CABIN1: variants seen among roughly 807,000 people sequenced by gnomAD.
CABIN1 encodes the protein calcineurin-binding protein cabin-1.
A neutral mutation model predicts 227.7 loss-of-function variants in CABIN1; 133 were observed. The observed-to-expected ratio is 0.58, with a 90% confidence interval of 0.51 to 0.67. CABIN1 has a LOEUF of 0.67. CABIN1 is among the 30% of genes least tolerant of loss of function. The pLI, the probability that CABIN1 is intolerant of heterozygous loss-of-function variation, is 0.00. For synonymous variants in CABIN1, 1,086 were observed against 1,155.1 expected (o/e 0.94, Z 1.21); for missense variants, 2,408 against 2,852.5 (o/e 0.84, Z 3.55).
At chr22:24,014,472 C>T (rs1365817305) in intron 1 of CABIN1, among the ~76,000 whole-genome samples, 2 of 150,742 alleles carry the variant, frequency 1.3e-5, no homozygotes, top group Non-Finnish European at 2.9e-5. Flanking sequence ...ACAAGGTGTT[C>T]CAGGCTCATC....
At chr22:24,175,671 A>G (rs920028766) in intron 34 of CABIN1, 7 of 273,398 alleles carry the variant, frequency 2.6e-5, no homozygotes, top group Non-Finnish European at 4.3e-5. Flanking sequence ...GGCAGGAGCC[A>G]TAGTGCCAGC....
chr22:24,161,471 C>T (rs1377135099), intron 29 of CABIN1, among the ~76,000 whole-genome samples: 1 of 152,188 alleles, frequency 6.6e-6, no homozygotes, highest in East Asian at 1.9e-4. Flanking sequence ...CAGCGGGACC[C>T]AGGGCTGAGG....
chr22:24,039,973 G>A (rs909068147), intron 4 of CABIN1, among the ~76,000 whole-genome samples: 2 of 152,232 alleles, frequency 1.3e-5, no homozygotes, highest in East Asian at 1.9e-4. Context: ...GGACTTGCTC[G>A]GGCAAGCCTT....
intron 1 of CABIN1, among the ~76,000 whole-genome samples, chr22:24,015,504 C>T (rs2035208762): frequency 2.6e-5 from 4 of 151,584 alleles, no homozygotes; most frequent in Admixed American, 1.3e-4. Context: ...ACCACCGCGC[C>T]TGGCTAATTT....
intron 1 of CABIN1, among the ~76,000 whole-genome samples, chr22:24,022,336 G>C (rs117288876): frequency 0.016 from 2,481 of 152,262 alleles, 81 homozygotes; most frequent in East Asian, 0.14. Context: ...GTCATTTCAA[G>C]AATGTCATGT....
chr22:24,079,256 C>A (rs2040649359), intron 19 of CABIN1, among the ~76,000 whole-genome samples: 1 of 152,134 alleles, frequency 6.6e-6, no homozygotes, highest in Non-Finnish European at 1.5e-5. Flanking sequence ...ACATTTATAT[C>A]AATTCATCTG....
At chr22:24,063,324 T>TG (rs1303419304) in intron 14 of CABIN1, among the ~76,000 whole-genome samples, 178 bp downstream of exon 14, 1 of 152,088 alleles carries the variant, frequency 6.6e-6, no homozygotes, top group African/African-American at 2.4e-5. Context: ...TGTGACACAG[T>TG]GGGGAATTCT....
chr22:24,057,534 T>G (rs2038891786), intron 10 of CABIN1, among the ~76,000 whole-genome samples: 1 of 152,226 alleles, frequency 6.6e-6, no homozygotes, highest in Non-Finnish European at 1.5e-5. Flanking sequence ...GAATGGAGTT[T>G]GGGAGCTAAC....
chr22:24,114,305 T>A (rs535210255), intron 27 of CABIN1, among the ~76,000 whole-genome samples: 23 of 152,302 alleles, frequency 1.5e-4, no homozygotes, highest in Non-Finnish European at 2.8e-4. Context: ...CTGGGCTTAC[T>A]GGGAGATCAC....
At position 24,166,757 on chromosome 22, in the gene CABIN1, C is replaced by A. The variant is rs2046468908; in HGVS notation, c.5126C>A (p.Pro1709His). The A allele has an allele frequency of 1.2e-6, 2 of 1,612,846 alleles. No individual in the cohort carries two copies. The highest frequency in any genetic ancestry group is 2.2e-5 in the South Asian group (2 of 91,084). Residue 1709 changes from proline (P) to histidine (H), a missense_variant, in exon 32 of 37, where the codon CCC (proline) becomes CAC (histidine). Pro to His is a moderately conservative substitution (Grantham distance 77, BLOSUM62 -2). Transcript: ENST00000263119. ...GAGGGCCTCCCCCAGCCGAAGAAGC[C>A]CCCTCTGGCTGATGGCTCAGGGCCA... is the stretch of plus-strand genomic sequence containing the variant. Reference protein sequence around the residue: ...GQEGLPQPKKPPLADGSGPGP... With the variant: ...GQEGLPQPKKHPLADGSGPGP...
At position 24,072,517 on chromosome 22, in the gene CABIN1, A is replaced by C; in HGVS notation, c.2632+7A>C. The C allele has an allele frequency of 6.2e-7, 1 of 1,614,090 alleles. No individual in the cohort carries two copies. Among genetic ancestry groups the C allele is most frequent in the Non-Finnish European group, 8.5e-7 (1 of 1,180,006 alleles). ...CAAAACCCAGCGGAGGAAGGTGCACAGGCAGTGGGTGCAGTGGGGATGAGC... is the reference window on the plus strand; with the variant it reads ...CAAAACCCAGCGGAGGAAGGTGCACCGGCAGTGGGTGCAGTGGGGATGAGC... On this transcript the variant is annotated splice_region_variant and intron_variant, in intron 18 of 36. Coordinates refer to ENST00000263119, the MANE Select transcript of CABIN1 (RefSeq NM_012295.4).
intron 15 of CABIN1, among the ~76,000 whole-genome samples, chr22:24,066,758 G>A (rs560505043): frequency 6.6e-6 from 1 of 152,216 alleles, no homozygotes; most frequent in Non-Finnish European, 1.5e-5. Context: ...TTTTTGATGT[G>A]CTTGTTTTTT....
At chr22:24,078,297 G>C (rs2040574109) in intron 19 of CABIN1, among the ~76,000 whole-genome samples, 1 of 152,090 alleles carries the variant, frequency 6.6e-6, no homozygotes, top group South Asian at 2.1e-4. Context: ...CTGCTGCCCA[G>C]TTGTATTTCT....
At chr22:24,165,414 C>A in intron 30 of CABIN1, 116 bp from the exon 31 acceptor site, 2 of 945,546 alleles carry the variant, frequency 2.1e-6, no homozygotes, top group Non-Finnish European at 3.3e-6. Context: ...TTAGGTGGAA[C>A]ACTGAGGAAC....
chr22:24,167,528 C>T (rs74482090), intron 32 of CABIN1, among the ~76,000 whole-genome samples: 1 of 152,230 alleles, frequency 6.6e-6, no homozygotes, highest in Non-Finnish European at 1.5e-5. Flanking sequence ...AACCTTATCA[C>T]AACCAGCGCG....
chr22:24,176,623 A>G (rs1292146931), intron 35 of CABIN1, among the ~76,000 whole-genome samples: 2 of 152,166 alleles, frequency 1.3e-5, no homozygotes, highest in Admixed American at 6.5e-5. Context: ...AGGAGTAGGC[A>G]TGGACAGGGC....
At chr22:24,118,198 T>G (rs1602182221) in intron 27 of CABIN1, among the ~76,000 whole-genome samples, 1 of 146,616 alleles carries the variant, frequency 6.8e-6, no homozygotes, top group African/African-American at 2.5e-5. Flanking sequence ...GGAGAAGGAG[T>G]GATGGTGGAG....
At chr22:24,131,852 C>A (rs935563859) in intron 28 of CABIN1, among the ~76,000 whole-genome samples, 1 of 152,044 alleles carries the variant, frequency 6.6e-6, no homozygotes, top group African/African-American at 2.4e-5. Flanking sequence ...GATCACTTGA[C>A]GTCAGGAGTT....
At chr22:24,060,217 G>A (rs1327811715) in intron 12 of CABIN1, 76 bp downstream of exon 12, 9 of 1,371,114 alleles carry the variant, frequency 6.6e-6, no homozygotes, top group Non-Finnish European at 9.2e-6. Context: ...ATGGGTGTGG[G>A]GCTGCTGTTG....
Sources: gnomAD v4.1 joint callset for allele counts (sites outside exome capture counted in the v4.1 genomes callset) on GRCh38, gnomAD v4.1.1 for gene constraint, MANE v1.5 for transcripts, NCBI Gene and HGNC (gene_info 2026-07-23, HGNC 2026-07-21) for gene names.